PRELID2: variants seen among roughly 807,000 people sequenced by gnomAD.
PRELID2 encodes PRELI domain containing 2.
PRELID2 carries 25 observed loss-of-function variants against 28.4 expected under a neutral mutation model. The observed-to-expected ratio is 0.88, with a 90% CI of 0.64 to 1.23. The LOEUF (loss-of-function observed/expected upper bound fraction) is 1.23, where lower values mean the gene tolerates loss of function less well. Among genes scored for constraint, PRELID2 ranks in the 50% most tolerant of loss-of-function variants. The probability of loss-of-function intolerance (pLI) is 0.00; values close to 1 mark genes in which losing one functional copy is unlikely to be tolerated. For missense variants in PRELID2, 201 were observed against 214.4 expected (o/e 0.94, Z 0.39); for synonymous variants, 76 against 71.6 (o/e 1.06, Z -0.31).
At chr5:145,424,382 AGCGAGACTCC>A in the PRELID2 span, among the ~76,000 whole-genome samples, 2 of 152,222 alleles carry the variant, frequency 1.3e-5, no homozygotes, top group Non-Finnish European at 2.9e-5. Flanking sequence ...GCTAGCAATC[AGCGAGACTCC>A]GTGAGCGTTG....
At position 145,817,202 on chromosome 5, in the gene PRELID2, AAT is replaced by A. The variant is rs1554099340; in HGVS notation, c.368+690_368+691del. ...CAAGACTGCATTTCAAAAAAAAATA[AAT>A]AAATAAATAAAAAAAAATATATATA... On this transcript the variant is annotated intron_variant, in intron 4 of 6. Transcript: ENST00000683046. Among the ~76,000 whole-genome samples, 493 of 51,374 alleles carry A rather than the reference AAT, an allele frequency of 9.6e-3. 25 individuals are homozygous for A. The highest frequency in any genetic ancestry group is 0.023 in the African/African-American group (449 of 19,216). The allele number at this position is 51,374 out of a possible 152,430, so 33.7% of individuals were successfully genotyped here.
intron 4 of PRELID2, among the ~76,000 whole-genome samples, chr5:145,805,395 G>GT (rs1753427844): frequency 6.6e-6 from 1 of 152,306 alleles, no homozygotes; most frequent in Non-Finnish European, 1.5e-5. Context: ...GCTGCCAGCT[G>GT]TATGTATGCT....
intron 1 of PRELID2, among the ~76,000 whole-genome samples, chr5:145,656,081 A>G (rs1363731431): frequency 6.6e-6 from 1 of 152,208 alleles, no homozygotes; most frequent in Non-Finnish European, 1.5e-5. Flanking sequence ...CCCATCACAA[A>G]GTGGGCAAAG....
chr5:145,441,740 C>T, the PRELID2 span, among the ~76,000 whole-genome samples: 25 of 152,190 alleles, frequency 1.6e-4, no homozygotes, highest in South Asian at 2.3e-3. Flanking sequence ...CAGCCTCCAC[C>T]GCCACACATT....
At chr5:145,538,038 T>C (rs1752716614) in intron 1 of PRELID2, among the ~76,000 whole-genome samples, 1 of 151,954 alleles carries the variant, frequency 6.6e-6, no homozygotes, top group Non-Finnish European at 1.5e-5. Flanking sequence ...AACCATCTAG[T>C]CTCAATTTTC....
the PRELID2 span, among the ~76,000 whole-genome samples, chr5:145,409,332 G>GT: frequency 6.6e-6 from 1 of 152,052 alleles, no homozygotes; most frequent in East Asian, 1.9e-4. Flanking sequence ...ACGTATTCAG[G>GT]TAACAACTAG....
the PRELID2 span, chr5:145,229,804 A>G: frequency 1.3e-6 from 1 of 759,120 alleles, no homozygotes; most frequent in Non-Finnish European, 2.4e-6. Context: ...CATAGCCCTG[A>G]GTGTGAATTT....
intron 1 of PRELID2, among the ~76,000 whole-genome samples, chr5:145,828,387 T>G (rs1341649965): frequency 1.3e-5 from 2 of 152,222 alleles, no homozygotes; most frequent in Admixed American, 1.3e-4. Flanking sequence ...TACTGTGGTG[T>G]GGCATTAAAT....
intron 1 of PRELID2, among the ~76,000 whole-genome samples, chr5:145,619,610 C>T (rs532124172): frequency 6.6e-6 from 1 of 152,160 alleles, no homozygotes; most frequent in Non-Finnish European, 1.5e-5. Context: ...AGGGTCCTCT[C>T]GGTTTCCTGA....
At chr5:145,400,416 C>T in the PRELID2 span, among the ~76,000 whole-genome samples, 3,890 of 152,076 alleles carry the variant, frequency 0.026, 141 homozygotes, top group African/African-American at 0.082. Context: ...TAATCCTCTC[C>T]TGTTGCTGTT....
Position 145,518,791 on chromosome 5 carries a change from T to C in PRELID2, n.71-45476A>G, listed in dbSNP as rs138221215. ...TCTCAACTCAGGGAAGGGGTTCCTA[T>C]TGGCATCTAGCAGACAGAGGCCAGG... On this transcript the variant is annotated intron_variant and non_coding_transcript_variant, in intron 1 of 2. Transcript: ENST00000510259. Among the ~76,000 whole-genome samples the C allele has an allele frequency of 4.4e-4, 67 of 152,312 alleles. No homozygotes were observed. In the East Asian group the frequency reaches 9.6e-3, roughly 22 times the overall value.
chr5:145,257,826 C>G, the PRELID2 span, among the ~76,000 whole-genome samples: 2 of 152,136 alleles, frequency 1.3e-5, no homozygotes, highest in African/African-American at 4.8e-5. Context: ...CATACGTGTT[C>G]CCACCCAAAT....
chr5:145,726,067 G>C (rs1311067932), intron 1 of PRELID2, among the ~76,000 whole-genome samples: 1 of 151,934 alleles, frequency 6.6e-6, no homozygotes, highest in Non-Finnish European at 1.5e-5. Context: ...TACTCCAGAG[G>C]CTGAGGTGGG....
chr5:145,350,777 G>A, the PRELID2 span, among the ~76,000 whole-genome samples: 3 of 152,108 alleles, frequency 2.0e-5, no homozygotes, highest in African/African-American at 7.2e-5. Flanking sequence ...CTGTGCTCCA[G>A]GAAGGAAGGC....
intron 1 of PRELID2, among the ~76,000 whole-genome samples, chr5:145,824,836 T>A (rs1050519134): frequency 2.0e-5 from 3 of 152,080 alleles, no homozygotes; most frequent in African/African-American, 7.2e-5. Flanking sequence ...CACACTTCCA[T>A]CCTGGAAACT....
intron 1 of PRELID2, among the ~76,000 whole-genome samples, chr5:145,542,944 T>C (rs1752757318): frequency 6.6e-6 from 1 of 152,056 alleles, no homozygotes. Flanking sequence ...ACTCACCTGC[T>C]TTTAGTCTCC....
At chr5:145,433,475 C>T in the PRELID2 span, among the ~76,000 whole-genome samples, 1 of 152,152 alleles carries the variant, frequency 6.6e-6, no homozygotes, top group South Asian at 2.1e-4. Context: ...AGAGAAGCGA[C>T]TTGCTCCTCT....
At chr5:145,392,308 C>T in the PRELID2 span, among the ~76,000 whole-genome samples, 2 of 152,092 alleles carry the variant, frequency 1.3e-5, no homozygotes, top group Non-Finnish European at 2.9e-5. Context: ...CACAAGGCAG[C>T]AGGAGAGAGA....
intron 1 of PRELID2, among the ~76,000 whole-genome samples, chr5:145,579,217 T>C (rs997973891): frequency 6.6e-6 from 1 of 152,072 alleles, no homozygotes; most frequent in Non-Finnish European, 1.5e-5. Flanking sequence ...GTATATAACA[T>C]GATTATTATG....
Sources: allele counts gnomAD v4.1 joint callset (sites outside exome capture counted in the v4.1 genomes callset), GRCh38; gene constraint gnomAD v4.1.1; transcripts MANE v1.5; gene names NCBI Gene and HGNC (gene_info 2026-07-23, HGNC 2026-07-21).